ACAD11: variants seen among roughly 807,000 people sequenced by gnomAD.
ACAD11 encodes the protein acyl-CoA dehydrogenase family member 11, also known as acyl-Coenzyme A dehydrogenase family, member 11.
A neutral mutation model predicts 102.2 loss-of-function variants in ACAD11; 83 were observed. The ratio of observed to expected loss-of-function variants is 0.81; its 90% CI spans 0.68 to 0.97. The LOEUF is 0.97. ACAD11 is among the 50% of genes least tolerant of loss of function. The pLI is 0.00. For synonymous variants in ACAD11, 324 were observed against 319.8 expected (o/e 1.01, Z -0.14); for missense variants, 901 against 951.7 (o/e 0.95, Z 0.70).
At chr3:132,658,721 T>A (rs972868740) in intron 1 of ACAD11, among the ~76,000 whole-genome samples, 1 of 152,244 alleles carries the variant, frequency 6.6e-6, no homozygotes, top group Non-Finnish European at 1.5e-5. Context: ...TCTCATTTAT[T>A]ATTATTTTCA....
At position 132,559,939 on chromosome 3, in the gene ACAD11, C is replaced by T; in HGVS notation, c.2122G>A (p.Ala708Thr). 6.2e-7 allele frequency: 1 copy of T among 1,610,136 alleles called. No homozygotes were observed. The highest frequency in any genetic ancestry group is 8.5e-7 in the Non-Finnish European group (1 of 1,177,180). Residue 708 changes from alanine (A) to threonine (T), a missense_variant, in exon 19 of 20, where the codon GCA becomes ACA. Coordinates refer to ENST00000264990, the MANE Select transcript of ACAD11 (RefSeq NM_032169.5). ...LGSAGAKKEI[A>T]MIKVAAPRAV... ...CGTGGGGCAGCCACTTTGATCATTG[C>T]AATCTATATAAGCAAAATATGAAAA...
chr3:132,640,270 A>T (rs747808283), intron 4 of ACAD11, among the ~76,000 whole-genome samples: 10 of 152,046 alleles, frequency 6.6e-5, no homozygotes, highest in Non-Finnish European at 1.2e-4. Flanking sequence ...TTGTATTTTT[A>T]GTAGAGACGG....
intron 11 of ACAD11, among the ~76,000 whole-genome samples, chr3:132,606,705 T>C (rs1370604519): frequency 6.6e-6 from 1 of 152,186 alleles, no homozygotes; most frequent in Non-Finnish European, 1.5e-5. Flanking sequence ...GGGCGCGGCT[T>C]CAGCAGACTT....
chr3:132,627,395 A>G (rs981960899), intron 8 of ACAD11, among the ~76,000 whole-genome samples: 1 of 152,210 alleles, frequency 6.6e-6, no homozygotes, highest in African/African-American at 2.4e-5. Context: ...TAAGGAGCAA[A>G]AAATCCCGCT....
chr3:132,613,670 G>A (rs1939268692), intron 11 of ACAD11, among the ~76,000 whole-genome samples: 1 of 152,056 alleles, frequency 6.6e-6, no homozygotes, highest in Non-Finnish European at 1.5e-5. Flanking sequence ...ATGCCAAGGT[G>A]GATGGATCAC....
At chr3:132,595,055 T>C (rs188221527) in intron 13 of ACAD11, among the ~76,000 whole-genome samples, 1 of 152,152 alleles carries the variant, frequency 6.6e-6, no homozygotes, top group African/African-American at 2.4e-5. Flanking sequence ...GCATAAATGA[T>C]ATGGTGCATT....
At chr3:132,622,104 G>C (rs966736408) in intron 9 of ACAD11, among the ~76,000 whole-genome samples, 3 of 151,918 alleles carry the variant, frequency 2.0e-5, no homozygotes, top group African/African-American at 7.3e-5. Context: ...TAGTATCTCT[G>C]TATGTTTCTA....
chr3:132,579,105 C>G lies in ACAD11; in HGVS notation c.1689-224G>C, dbSNP rs963755417. Reference sequence around the variant, plus strand: ...AAATAAATGAGTTGTTTGATTGAAGCTTCTCACTGCTCAACAATGGTAACT... The same window carrying G: ...AAATAAATGAGTTGTTTGATTGAAGGTTCTCACTGCTCAACAATGGTAACT... On this transcript the variant is annotated intron_variant, in intron 14 of 19. Coordinates refer to ENST00000264990, the MANE Select transcript of ACAD11 (RefSeq NM_032169.5). 7.7e-6 allele frequency: 11 copies of G among 1,430,164 alleles called. No individual in the cohort carries two copies. The African/African-American group carries it at 1.3e-4, about 17-fold the overall frequency. 88.6% of individuals were successfully genotyped at this position (1,430,164 alleles called of 1,614,324 possible). A position where few individuals can be genotyped will look rare whatever the true frequency, so the allele number is the denominator to read the frequency against.
chr3:132,659,554 C>G, intron 1 of ACAD11, 49 bp downstream of exon 1: 5 of 1,606,122 alleles, frequency 3.1e-6, no homozygotes, highest in South Asian at 1.1e-5. Context: ...GGAAGGAAAA[C>G]TCAATGTACA....
At chr3:132,606,805 T>C (rs1938858227) in intron 11 of ACAD11, among the ~76,000 whole-genome samples, 1 of 152,216 alleles carries the variant, frequency 6.6e-6, no homozygotes. Context: ...CCTCCTCAAG[T>C]GGGTCCCTGA....
chr3:132,559,940 A>G lies in ACAD11; in HGVS notation c.2121T>C (p.Ile707=), dbSNP rs1031321398. 5 of 1,609,674 alleles carry G rather than the reference A, an allele frequency of 3.1e-6. No individual in the cohort carries two copies. The highest frequency in any genetic ancestry group is 3.4e-6 in the Non-Finnish European group (4 of 1,176,800). ...GTGGGGCAGCCACTTTGATCATTGC[A>G]ATCTATATAAGCAAAATATGAAAAG... The part of the protein sequence containing the change: ...TLGSAGAKKE[I]AMIKVAAPRA... Residue 707 remains isoleucine (I), a splice_region_variant and synonymous_variant, in exon 19 of 20, where the codon ATT becomes ATC. Coordinates refer to ENST00000264990, the MANE Select transcript of ACAD11 (RefSeq NM_032169.5).
rs143591579 is a variant in ACAD11 at position 132,615,852 on chromosome 3, T to C, written c.1414+2782A>G. 1.4e-3 allele frequency among the ~76,000 whole-genome samples: 217 copies of C among 152,246 alleles called. 2 individuals are homozygous for C. The highest frequency in any genetic ancestry group is 4.6e-3 in the African/African-American group (189 of 41,538). ...CAAAGGCCCCCAAATTTTCCAGTAA[T>C]AGCTTTAGAATTAAAGTTGCTATTT... On this transcript the variant is annotated intron_variant, in intron 11 of 19. Transcript: ENST00000264990.
chr3:132,621,767 G>A (rs1461853128), intron 9 of ACAD11, among the ~76,000 whole-genome samples: 1 of 119,304 alleles, frequency 8.4e-6, no homozygotes, highest in Non-Finnish European at 1.6e-5. Context: ...ACACTAGCCT[G>A]GCCTACCTGT....
chr3:132,586,729 C>G (rs1937851528), intron 13 of ACAD11, among the ~76,000 whole-genome samples: 1 of 152,044 alleles, frequency 6.6e-6, no homozygotes, highest in Non-Finnish European at 1.5e-5. Flanking sequence ...AAGAAAAATA[C>G]AAGCATTTTC....
intron 5 of ACAD11, among the ~76,000 whole-genome samples, chr3:132,633,850 C>A (rs1336395210): frequency 6.6e-6 from 1 of 152,018 alleles, no homozygotes; most frequent in Non-Finnish European, 1.5e-5. Context: ...AACTGGCTAG[C>A]CATATGTAGA....
At chr3:132,652,331 C>G (rs941346047) in intron 1 of ACAD11, among the ~76,000 whole-genome samples, 2 of 152,162 alleles carry the variant, frequency 1.3e-5, no homozygotes, top group Non-Finnish European at 2.9e-5. Flanking sequence ...GAGGACTCCC[C>G]AGCCATGTGG....
chr3:132,613,607 C>T (rs1302658284), intron 11 of ACAD11, among the ~76,000 whole-genome samples: 3 of 151,932 alleles, frequency 2.0e-5, no homozygotes, highest in African/African-American at 7.3e-5. Context: ...ATTTAGAAAA[C>T]CCCATCATTG....
chr3:132,583,075 A>G (rs1247520727), intron 13 of ACAD11, among the ~76,000 whole-genome samples: 1 of 152,178 alleles, frequency 6.6e-6, no homozygotes, highest in East Asian at 1.9e-4. Context: ...AAAATGAGTT[A>G]GGGAGGATTC....
intron 5 of ACAD11, among the ~76,000 whole-genome samples, chr3:132,636,549 G>A (rs1423201981): frequency 6.6e-6 from 1 of 152,142 alleles, no homozygotes; most frequent in African/African-American, 2.4e-5. Context: ...TAGGAGTAAG[G>A]TTATTACACA....
Sources: allele counts gnomAD v4.1 joint callset (sites outside exome capture counted in the v4.1 genomes callset), GRCh38; gene constraint gnomAD v4.1.1; transcripts MANE v1.5; gene names NCBI Gene and HGNC (gene_info 2026-07-23, HGNC 2026-07-21).